UCK2: variants seen among roughly 807,000 people sequenced by gnomAD.
The protein encoded by UCK2 is uridine-cytidine kinase 2, also known as cytidine monophosphokinase 2.
In UCK2, 6 loss-of-function variants were observed where a neutral mutation model predicts 30.8. That is an observed-to-expected ratio of 0.19 (90% CI 0.11 to 0.38). The LOEUF is 0.38. UCK2 is among the 10% of genes least tolerant of loss of function. The pLI, the probability that UCK2 is intolerant of heterozygous loss-of-function variation, is 1.00. For missense variants in UCK2, 210 were observed against 339.8 expected, an observed-to-expected ratio of 0.62 and a Z score of 3.00; for synonymous variants, 125 against 133.6, an observed-to-expected ratio of 0.94 and a Z score of 0.45.
intron 1 of UCK2, among the ~76,000 whole-genome samples, chr1:165,870,782 A>G (rs185818623): frequency 1.4e-4 from 22 of 152,146 alleles, no homozygotes; most frequent in Admixed American, 8.5e-4. Context: ...TATATGTGTT[A>G]TTATTTTACA....
chr1:165,853,067 C>G (rs1654637637), intron 1 of UCK2, among the ~76,000 whole-genome samples: 1 of 152,130 alleles, frequency 6.6e-6, no homozygotes, highest in Non-Finnish European at 1.5e-5. Flanking sequence ...TGTGTGAGCT[C>G]CAAGGGGCCG....
chr1:165,875,622 G>C (rs141721281), intron 1 of UCK2, among the ~76,000 whole-genome samples: 1 of 152,288 alleles, frequency 6.6e-6, no homozygotes, highest in African/African-American at 2.4e-5. Flanking sequence ...ACTTCAAGTC[G>C]AGGTTCCCAT....
chr1:165,840,576 G>C (rs527759120), intron 1 of UCK2, among the ~76,000 whole-genome samples: 66 of 152,352 alleles, frequency 4.3e-4, no homozygotes, highest in African/African-American at 1.4e-3. Flanking sequence ...CAGGAATGGA[G>C]GCATTGATAG....
In UCK2 at chr1:165,907,962, T is replaced by G. The variant is rs1647728857; in HGVS notation, c.*139T>G. 7.8e-7 allele frequency: 1 copy of G among 1,288,872 alleles called. No homozygotes were observed. The highest frequency in any genetic ancestry group is 1.0e-6 in the Non-Finnish European group (1 of 968,486). The allele number at this position is 1,288,872 out of a possible 1,614,324, so 79.8% of individuals were successfully genotyped here. On this transcript the variant is annotated 3_prime_UTR_variant, in exon 7 of 7. Coordinates refer to ENST00000367879, the MANE Select transcript of UCK2 (RefSeq NM_012474.5). Reference sequence around the variant, plus strand: ...ATGGAGATGAAATGCCTTTGATTTTTTTTTTCTTTTTGTACTTTGGAACGA... The same window carrying G: ...ATGGAGATGAAATGCCTTTGATTTTGTTTTTCTTTTTGTACTTTGGAACGA...
At chr1:165,907,322 A>G (rs543047409) in intron 6 of UCK2, among the ~76,000 whole-genome samples, 2 of 152,286 alleles carry the variant, frequency 1.3e-5, no homozygotes, top group East Asian at 3.9e-4. Context: ...CCTGGTGGAA[A>G]GGTCTCATAG....
intron 1 of UCK2, among the ~76,000 whole-genome samples, chr1:165,863,038 C>T (rs1430934970): frequency 2.0e-5 from 3 of 152,166 alleles, no homozygotes; most frequent in African/African-American, 4.8e-5. Flanking sequence ...ACATAGGAAA[C>T]CTATTATGTG....
At chr1:165,890,734 T>C in intron 2 of UCK2, 1 of 258,926 alleles carries the variant, frequency 3.9e-6, no homozygotes, top group Non-Finnish European at 7.5e-6. Context: ...TTCAACCCAC[T>C]GTCTGGCAGA....
chr1:165,848,957 G>A (rs1318158507), intron 1 of UCK2, among the ~76,000 whole-genome samples: 1 of 152,044 alleles, frequency 6.6e-6, no homozygotes, highest in African/African-American at 2.4e-5. Flanking sequence ...ATATGATTAT[G>A]AAAAGTAAGA....
intron 1 of UCK2, among the ~76,000 whole-genome samples, chr1:165,861,444 C>T (rs374706570): frequency 1.3e-5 from 2 of 151,336 alleles, no homozygotes; most frequent in East Asian, 3.9e-4. Context: ...CCGGCTAAAA[C>T]GGTGAAACCC....
chr1:165,890,688 C>G, intron 2 of UCK2: 1 of 302,650 alleles, frequency 3.3e-6, no homozygotes, highest in East Asian at 7.1e-5. Context: ...CTGAGGCAGC[C>G]CTCGTCAGAC....
chr1:165,846,590 G>A (rs1654454381), intron 1 of UCK2, among the ~76,000 whole-genome samples: 1 of 152,140 alleles, frequency 6.6e-6, no homozygotes, highest in Non-Finnish European at 1.5e-5. Context: ...AGTCAGAAGG[G>A]CTATCTATCT....
At chr1:165,830,301 C>G (rs1345232757) in intron 1 of UCK2, among the ~76,000 whole-genome samples, 2 of 145,598 alleles carry the variant, frequency 1.4e-5, no homozygotes, top group Admixed American at 6.9e-5. Flanking sequence ...ACTACCTGGG[C>G]TGGCTTTTTA....
chr1:165,890,780 GT>G (rs2101881595), intron 2 of UCK2: 1 of 249,218 alleles, frequency 4.0e-6, no homozygotes, highest in Non-Finnish European at 7.9e-6. Flanking sequence ...TGCCAGAGTG[GT>G]TTTTGCCCTA....
intron 1 of UCK2, among the ~76,000 whole-genome samples, chr1:165,844,908 CTG>C (rs1035816185): frequency 4.6e-5 from 7 of 152,262 alleles, no homozygotes; most frequent in African/African-American, 1.2e-4. Flanking sequence ...CTGGCTGTTC[CTG>C]TGTTTCCTTT....
At chr1:165,846,624 G>C (rs1225342846) in intron 1 of UCK2, among the ~76,000 whole-genome samples, 9 of 152,154 alleles carry the variant, frequency 5.9e-5, no homozygotes, top group Admixed American at 4.6e-4. Context: ...GTAGAATTTA[G>C]TTAAGTGTGC....
At chr1:165,844,397 G>C (rs1654398002) in intron 1 of UCK2, among the ~76,000 whole-genome samples, 1 of 152,204 alleles carries the variant, frequency 6.6e-6, no homozygotes, top group Admixed American at 6.5e-5. Context: ...CCTCATTCCT[G>C]GCACAGAGCT....
In UCK2 at chr1:165,903,162, T is replaced by C. The variant is rs1647537689; in HGVS notation, c.500-20T>C. 6.2e-7 allele frequency: 1 copy of C among 1,605,912 alleles called. No homozygotes were observed. Among genetic ancestry groups the C allele is most frequent in the African/African-American group, 1.3e-5 (1 of 74,784 alleles). On this transcript the variant is annotated intron_variant, in intron 4 of 6. Coordinates refer to ENST00000367879, the MANE Select transcript of UCK2 (RefSeq NM_012474.5). Reference sequence around the variant, plus strand: ...GGCTCCTACACCGTTTTTTGATTCTTGTTTTCCCTTCTCTTACAGTATTAA... The same window carrying C: ...GGCTCCTACACCGTTTTTTGATTCTCGTTTTCCCTTCTCTTACAGTATTAA...
At chr1:165,885,186 G>A in intron 1 of UCK2, 2 of 386,326 alleles carry the variant, frequency 5.2e-6, no homozygotes, top group East Asian at 3.6e-5. Context: ...ATGCCAAAGC[G>A]GCTTATGTTC....
In UCK2 at chr1:165,907,633, CCCTGCACCCATG is replaced by C. The variant is rs776634247; in HGVS notation, c.647-41_647-30del. ...CCCCCAGACAGACTCCCACACTCAC[CCCTGCACCCATG>C]CCTGCACCCGTAACGCTCTGCTGGT... On this transcript the variant is annotated intron_variant, in intron 6 of 6. Transcript: ENST00000367879. The C allele has an allele frequency of 1.9e-6, 3 of 1,602,184 alleles. No homozygotes were observed. In the South Asian group the frequency reaches 3.4e-5, roughly 18 times the overall value.
Sources: allele counts gnomAD v4.1 joint callset (sites outside exome capture counted in the v4.1 genomes callset), GRCh38; gene constraint gnomAD v4.1.1; transcripts MANE v1.5; gene names NCBI Gene and HGNC (gene_info 2026-07-23, HGNC 2026-07-21).